The following RNF4 variants were observed in gnomAD, a reference collection of about 807,000 sequenced individuals.
The protein encoded by RNF4 is E3 ubiquitin-protein ligase RNF4.
In RNF4, 7 loss-of-function variants were observed where a neutral mutation model predicts 24.3. That is an observed-to-expected ratio of 0.29 (90% CI 0.16 to 0.54). The LOEUF (loss-of-function observed/expected upper bound fraction) is 0.54. RNF4 is among the 20% of genes least tolerant of loss of function. RNF4 has a pLI of 0.95. For synonymous variants in RNF4, 83 were observed against 84.3 expected (o/e 0.98, Z 0.09); for missense variants, 209 against 248.5 (o/e 0.84, Z 1.07).
intron 1 of RNF4, among the ~76,000 whole-genome samples, chr4:2,489,145 CAA>C (rs1218090084): frequency 6.6e-6 from 1 of 152,172 alleles, no homozygotes; most frequent in African/African-American, 2.4e-5. Flanking sequence ...TTGCCTGGCT[CAA>C]GAGATGTGCC....
At chr4:2,483,149 T>C (rs994903967) in intron 1 of RNF4, among the ~76,000 whole-genome samples, 3 of 152,222 alleles carry the variant, frequency 2.0e-5, no homozygotes, top group African/African-American at 7.2e-5. Context: ...GGTAGTTTTT[T>C]GTTGCTGTTT....
At chr4:2,477,807 G>C (rs1250473164) in intron 1 of RNF4, among the ~76,000 whole-genome samples, 2 of 152,152 alleles carry the variant, frequency 1.3e-5, no homozygotes, top group Non-Finnish European at 2.9e-5. Context: ...AAACATACTG[G>C]TACAGTAAGT....
chr4:2,513,230 C>T, intron 7 of RNF4, 99 bp downstream of exon 7: 1 of 1,120,542 alleles, frequency 8.9e-7, no homozygotes, highest in Non-Finnish European at 1.4e-6. Context: ...GATTGGACAC[C>T]CCTACTCACA....
chr4:2,474,489 A>G (rs980535145), intron 1 of RNF4, among the ~76,000 whole-genome samples: 2 of 152,148 alleles, frequency 1.3e-5, no homozygotes, highest in Non-Finnish European at 2.9e-5. Context: ...AGGCAAAGAA[A>G]GTGGTTTCTT....
intron 3 of RNF4, 181 bp downstream of exon 3, chr4:2,497,302 C>A: frequency 2.0e-6 from 1 of 505,254 alleles, no homozygotes; most frequent in Non-Finnish European, 3.5e-6. Context: ...GCTAACTGTT[C>A]AACTCTGGTA....
At chr4:2,471,678 A>G (rs938930025) in intron 1 of RNF4, among the ~76,000 whole-genome samples, 4 of 152,242 alleles carry the variant, frequency 2.6e-5, no homozygotes, top group African/African-American at 9.6e-5. Context: ...GAATACATGA[A>G]TGATAAGCCA....
chr4:2,494,534 C>G (rs536817083), intron 2 of RNF4: 1 of 151,960 alleles, frequency 6.6e-6, no homozygotes, highest in Non-Finnish European at 1.5e-5. Context: ...CCCGCCACCA[C>G]GCCTGGCTAA....
At chr4:2,509,566 T>C (rs1411107612) in intron 4 of RNF4, among the ~76,000 whole-genome samples, 1 of 152,148 alleles carries the variant, frequency 6.6e-6, no homozygotes, top group Non-Finnish European at 1.5e-5. Flanking sequence ...TGTTTTTCTC[T>C]CATTAAAAGC....
intron 4 of RNF4, among the ~76,000 whole-genome samples, chr4:2,502,926 C>T (rs1735961489): frequency 1.3e-5 from 2 of 152,110 alleles, no homozygotes; most frequent in African/African-American, 2.4e-5. Flanking sequence ...TCACACCTTA[C>T]TGCAGCCTCC....
At chr4:2,471,984 G>A (rs912100249) in intron 1 of RNF4, among the ~76,000 whole-genome samples, 2 of 152,140 alleles carry the variant, frequency 1.3e-5, no homozygotes, top group African/African-American at 2.4e-5. Context: ...GATGAAGGTG[G>A]CCACACTAAA....
intron 3 of RNF4, chr4:2,497,402 T>G: frequency 8.4e-6 from 2 of 237,298 alleles, no homozygotes; most frequent in Non-Finnish European, 1.7e-5. Context: ...CATCCCCAAT[T>G]GCTGGACCTT....
intron 1 of RNF4, among the ~76,000 whole-genome samples, chr4:2,473,535 G>C (rs986971209): frequency 6.6e-6 from 1 of 152,100 alleles, no homozygotes; most frequent in African/African-American, 2.4e-5. Context: ...GAGCCTGGCC[G>C]GGCCTGGTGG....
rs367574121 is a variant in RNF4, at chr4:2,487,311, A to T, written c.-157-3026A>T. Among the ~76,000 whole-genome samples, 68 of 151,856 alleles carry T rather than the reference A, an allele frequency of 4.5e-4. No individual in the cohort carries two copies. The East Asian group carries it at 6.4e-3, about 14-fold the overall frequency. ...TTTTTATTTTTATTTTTTGAGACAG[A>T]GTCTCTCTCTGTTGGCCAGGCTGGA... On this transcript the variant is annotated intron_variant, in intron 1 of 7. Transcript: ENST00000314289.
chr4:2,489,938 G>A (rs1195765251), intron 1 of RNF4: 2 of 152,986 alleles, frequency 1.3e-5, no homozygotes, highest in African/African-American at 4.8e-5. Flanking sequence ...ACTCCGGACG[G>A]CGACAGTGAA....
intron 1 of RNF4, among the ~76,000 whole-genome samples, chr4:2,483,940 C>CCTCAG (rs1197944809): frequency 6.6e-6 from 1 of 151,546 alleles, no homozygotes; most frequent in Non-Finnish European, 1.5e-5. Flanking sequence ...GATTCTCCTG[C>CCTCAG]CTCAGGTTCC....
At chr4:2,495,718 C>T (rs1323057897) in intron 2 of RNF4, among the ~76,000 whole-genome samples, 1 of 152,074 alleles carries the variant, frequency 6.6e-6, no homozygotes, top group Non-Finnish European at 1.5e-5. Context: ...CCGCATCCTC[C>T]ACCTCCCAGG....
intron 1 of RNF4, among the ~76,000 whole-genome samples, chr4:2,481,838 G>C (rs1281440031): frequency 1.3e-5 from 2 of 152,176 alleles, no homozygotes; most frequent in African/African-American, 4.8e-5. Context: ...CTCCCAAGTA[G>C]CTGGGACTAC....
intron 4 of RNF4, among the ~76,000 whole-genome samples, chr4:2,503,850 T>C (rs1217981407): frequency 6.6e-6 from 1 of 152,124 alleles, no homozygotes; most frequent in African/African-American, 2.4e-5. Flanking sequence ...ATAGTTTGAG[T>C]GCACTGCTTT....
intron 1 of RNF4, among the ~76,000 whole-genome samples, chr4:2,472,483 G>A (rs1734935589): frequency 6.6e-6 from 1 of 151,960 alleles, no homozygotes; most frequent in Non-Finnish European, 1.5e-5. Context: ...TGAGCACAGT[G>A]GCTCATGCCT....
Sources: allele counts gnomAD v4.1 joint callset (sites outside exome capture counted in the v4.1 genomes callset), GRCh38; gene constraint gnomAD v4.1.1; transcripts MANE v1.5; gene names NCBI Gene and HGNC (gene_info 2026-07-23, HGNC 2026-07-21).